The following ABTB3 variants were observed in gnomAD, a reference collection of about 807,000 sequenced individuals.
ABTB3 encodes ankyrin repeat and BTB domain containing 3.
At chr12:107,549,388 C>T in the ABTB3 span, among the ~76,000 whole-genome samples, 1 of 152,216 alleles carries the variant, frequency 6.6e-6, no homozygotes, top group East Asian at 1.9e-4. Context: ...ATTCAAACTT[C>T]AACTTACTCC....
chr12:107,657,727 GT>G, the ABTB3 span: 3 of 1,613,482 alleles, frequency 1.9e-6, no homozygotes, highest in East Asian at 4.5e-5. Flanking sequence ...GAAACGCCTA[GT>G]GCAGGGAATG....
At chr12:107,363,788 A>G in the ABTB3 span, among the ~76,000 whole-genome samples, 1 of 152,308 alleles carries the variant, frequency 6.6e-6, no homozygotes, top group East Asian at 1.9e-4. Flanking sequence ...AAGAAATTGG[A>G]AGACCTACAT....
chr12:107,469,930 CTCTCTT>C, the ABTB3 span, among the ~76,000 whole-genome samples: 2 of 99,754 alleles, frequency 2.0e-5, no homozygotes. Flanking sequence ...TTCTCTCTCT[CTCTCTT>C]TCTTTCTCTT....
chr12:107,450,261 T>C, the ABTB3 span, among the ~76,000 whole-genome samples: 1 of 152,172 alleles, frequency 6.6e-6, no homozygotes, highest in Non-Finnish European at 1.5e-5. Context: ...GCCTCTGGGT[T>C]GATATTGTAG....
At chr12:107,388,922 A>T in the ABTB3 span, among the ~76,000 whole-genome samples, 1 of 152,370 alleles carries the variant, frequency 6.6e-6, no homozygotes, top group South Asian at 2.1e-4. Flanking sequence ...TTTAACAAAG[A>T]TCAAATGAGT....
At chr12:107,657,379 T>G in the ABTB3 span, 6 of 785,260 alleles carry the variant, frequency 7.6e-6, no homozygotes, top group Admixed American at 2.1e-5. Flanking sequence ...GGGTGTGTGC[T>G]GGGGAATCAG....
the ABTB3 span, among the ~76,000 whole-genome samples, chr12:107,372,405 C>T: frequency 6.6e-6 from 1 of 152,186 alleles, no homozygotes; most frequent in Non-Finnish European, 1.5e-5. Flanking sequence ...TTTCATAATA[C>T]AGGAAACCAC....
the ABTB3 span, among the ~76,000 whole-genome samples, chr12:107,516,988 G>T: frequency 6.6e-6 from 1 of 152,134 alleles, no homozygotes; most frequent in Non-Finnish European, 1.5e-5. Context: ...TTCTTCTAGG[G>T]TTTTTATGGT....
At chr12:107,507,145 G>T in the ABTB3 span, among the ~76,000 whole-genome samples, 2 of 152,132 alleles carry the variant, frequency 1.3e-5, no homozygotes, top group Non-Finnish European at 2.9e-5. Context: ...GGGTCAGTCT[G>T]GGATGGAAGC....
At chr12:107,405,820 G>A in the ABTB3 span, among the ~76,000 whole-genome samples, 1 of 152,220 alleles carries the variant, frequency 6.6e-6, no homozygotes, top group Non-Finnish European at 1.5e-5. Flanking sequence ...GCATGAAAGA[G>A]GGATTGAGCC....
chr12:107,573,706 G>A, the ABTB3 span, among the ~76,000 whole-genome samples: 1 of 152,208 alleles, frequency 6.6e-6, no homozygotes, highest in African/African-American at 2.4e-5. Context: ...GCAGGCTGGA[G>A]ACCCAGAGAA....
At chr12:107,430,782 T>A in the ABTB3 span, among the ~76,000 whole-genome samples, 126 of 152,362 alleles carry the variant, frequency 8.3e-4, no homozygotes, top group Middle Eastern at 3.4e-3. Context: ...CTTCATTTTT[T>A]AAATATTAAA....
the ABTB3 span, among the ~76,000 whole-genome samples, chr12:107,626,910 G>A: frequency 6.6e-6 from 1 of 152,220 alleles, no homozygotes; most frequent in South Asian, 2.1e-4. Context: ...TGATTTGGGA[G>A]GCCAAGGCAG....
chr12:107,400,570 C>G, the ABTB3 span, among the ~76,000 whole-genome samples: 3 of 152,098 alleles, frequency 2.0e-5, no homozygotes, highest in Non-Finnish European at 4.4e-5. Flanking sequence ...GTCTCCTTAC[C>G]TGTACAATGG....
At chr12:107,364,323 C>G in the ABTB3 span, among the ~76,000 whole-genome samples, 1 of 151,610 alleles carries the variant, frequency 6.6e-6, no homozygotes, top group African/African-American at 2.4e-5. Flanking sequence ...GAGTCTTGCT[C>G]TGTCCCCCAG....
At chr12:107,392,414 A>G in the ABTB3 span, among the ~76,000 whole-genome samples, 7 of 152,010 alleles carry the variant, frequency 4.6e-5, no homozygotes, top group African/African-American at 1.4e-4. Flanking sequence ...ATGGCCCACT[A>G]GACACTATGT....
At chr12:107,493,771 AC>A in the ABTB3 span, among the ~76,000 whole-genome samples, 1 of 152,158 alleles carries the variant, frequency 6.6e-6, no homozygotes, top group African/African-American at 2.4e-5. Context: ...ACTTAAGAAC[AC>A]CATGAACATG....
chr12:107,408,441 G>T, the ABTB3 span, among the ~76,000 whole-genome samples: 1 of 152,208 alleles, frequency 6.6e-6, no homozygotes, highest in Non-Finnish European at 1.5e-5. Flanking sequence ...TTTTGACTGT[G>T]GGTGACAAGA....
the ABTB3 span, among the ~76,000 whole-genome samples, chr12:107,633,801 T>C: frequency 6.6e-6 from 1 of 152,212 alleles, no homozygotes; most frequent in African/African-American, 2.4e-5. Context: ...TAAGGGAATG[T>C]CAGTATCACC....
Sources: gnomAD v4.1 joint callset for allele counts (sites outside exome capture counted in the v4.1 genomes callset) on GRCh38, gnomAD v4.1.1 for gene constraint, MANE v1.5 for transcripts, NCBI Gene and HGNC (gene_info 2026-07-23, HGNC 2026-07-21) for gene names.